JMJD1C: variants seen among roughly 807,000 people sequenced by gnomAD.
JMJD1C encodes the protein jumonji domain containing 1C.
Under a neutral mutation model 245.3 loss-of-function variants are expected in JMJD1C, and 31 were observed. The ratio of observed to expected loss-of-function variants is 0.13; its 90% CI spans 0.09 to 0.17. JMJD1C has a LOEUF of 0.17. Ranked by LOEUF, JMJD1C falls within the 10% of genes least tolerant of loss-of-function variation. The probability of loss-of-function intolerance (pLI) is 1.00; values close to 1 mark genes in which losing one functional copy is unlikely to be tolerated. For missense variants in JMJD1C, 2,691 were observed against 3,000.2 expected (o/e 0.90, Z 2.41); for synonymous variants, 1,057 against 1,017.4 (o/e 1.04, Z -0.74).
At chr10:63,328,639 T>C (rs533000381) in intron 2 of JMJD1C, among the ~76,000 whole-genome samples, 1 of 152,238 alleles carries the variant, frequency 6.6e-6, no homozygotes, top group Non-Finnish European at 1.5e-5. Flanking sequence ...AACTTTCATC[T>C]GAAACTAAAT....
At chr10:63,225,797 C>G in intron 3 of JMJD1C, among the ~76,000 whole-genome samples, 1 of 150,802 alleles carries the variant, frequency 6.6e-6, no homozygotes. Context: ...AAAAAAAAAG[C>G]TAACCTAAAG....
chr10:63,378,100 A>G (rs973823196), intron 2 of JMJD1C, among the ~76,000 whole-genome samples: 38 of 151,722 alleles, frequency 2.5e-4, no homozygotes, highest in African/African-American at 8.9e-4. Context: ...TCTTTTGTAT[A>G]TGATAAAGTT....
chr10:63,227,164 GA>G (rs1461160988), intron 3 of JMJD1C, among the ~76,000 whole-genome samples: 6 of 151,798 alleles, frequency 4.0e-5, no homozygotes, highest in African/African-American at 9.7e-5. Context: ...TAATTCGAAA[GA>G]AAAAAATAAC....
At chr10:63,393,357 G>C (rs1445912597) in intron 1 of JMJD1C, among the ~76,000 whole-genome samples, 2 of 152,164 alleles carry the variant, frequency 1.3e-5, no homozygotes, top group African/African-American at 4.8e-5. Context: ...ACTCGAGTGA[G>C]AAAGGCTACT....
chr10:63,405,720 T>A (rs1054518632), intron 1 of JMJD1C, among the ~76,000 whole-genome samples: 10 of 152,188 alleles, frequency 6.6e-5, no homozygotes, highest in African/African-American at 2.4e-4. Flanking sequence ...TCAATAATTC[T>A]AATAAGAAAA....
chr10:63,273,339 G>C (rs1225320858), intron 2 of JMJD1C, among the ~76,000 whole-genome samples: 1 of 152,152 alleles, frequency 6.6e-6, no homozygotes, highest in Non-Finnish European at 1.5e-5. Flanking sequence ...CTACAAGTAA[G>C]TGCCACCATA....
chr10:63,202,967 GTTCAGAGTA>G, intron 10 of JMJD1C: 1 of 984,200 alleles, frequency 1.0e-6, no homozygotes, highest in African/African-American at 1.7e-5. Context: ...TAATGGAACA[GTTCAGAGTA>G]TGGATCACCA....
intron 3 of JMJD1C, among the ~76,000 whole-genome samples, chr10:63,256,102 G>A (rs577072788): frequency 7.6e-4 from 116 of 152,232 alleles, no homozygotes; most frequent in Non-Finnish European, 1.3e-3. Context: ...AGATTTTTCA[G>A]CATATGATCA....
intron 2 of JMJD1C, among the ~76,000 whole-genome samples, chr10:63,303,649 C>G (rs966111768): frequency 6.6e-6 from 1 of 152,090 alleles, no homozygotes; most frequent in Non-Finnish European, 1.5e-5. Context: ...GACAACCTCA[C>G]GTATAACGTA....
chr10:63,326,701 G>A (rs1013769020), intron 2 of JMJD1C, among the ~76,000 whole-genome samples: 6 of 152,132 alleles, frequency 3.9e-5, no homozygotes, highest in Non-Finnish European at 7.4e-5. Flanking sequence ...CCAACATGGC[G>A]AAACCTGGTC....
At chr10:63,343,114 A>G (rs1333072699) in intron 2 of JMJD1C, among the ~76,000 whole-genome samples, 1 of 152,114 alleles carries the variant, frequency 6.6e-6, no homozygotes, top group Admixed American at 6.6e-5. Flanking sequence ...GCAATCCCAG[A>G]ACTTTGGGAG....
intron 2 of JMJD1C, among the ~76,000 whole-genome samples, chr10:63,328,115 A>G (rs1941737152): frequency 6.6e-6 from 1 of 152,108 alleles, no homozygotes; most frequent in Non-Finnish European, 1.5e-5. Flanking sequence ...CCTCTACTAA[A>G]AATACAAAAA....
At chr10:63,267,119 T>C (rs1177853770) in intron 2 of JMJD1C, among the ~76,000 whole-genome samples, 3 of 152,140 alleles carry the variant, frequency 2.0e-5, no homozygotes, top group Non-Finnish European at 4.4e-5. Flanking sequence ...TTATAATCAT[T>C]TACAAGTGGA....
intron 1 of JMJD1C, among the ~76,000 whole-genome samples, chr10:63,394,035 A>C (rs771696957): frequency 3.3e-5 from 5 of 152,094 alleles, no homozygotes; most frequent in African/African-American, 4.8e-5. Flanking sequence ...AATACAAAAA[A>C]TTAGCAGGGA....
At chr10:63,449,081 C>T (rs143225052) in intron 1 of JMJD1C, among the ~76,000 whole-genome samples, 2,019 of 152,098 alleles carry the variant, frequency 0.013, 31 homozygotes, top group African/African-American at 0.034. Flanking sequence ...CTCACCACTG[C>T]ACTCCAGCCT....
At chr10:63,171,231 A>G (rs992630169) in intron 24 of JMJD1C, among the ~76,000 whole-genome samples, 1 of 152,152 alleles carries the variant, frequency 6.6e-6, no homozygotes, top group Non-Finnish European at 1.5e-5. Context: ...TCTAAACCTC[A>G]GAATACTACA....
At chr10:63,257,682 A>G (rs1034672783) in intron 3 of JMJD1C, among the ~76,000 whole-genome samples, 22 of 152,230 alleles carry the variant, frequency 1.4e-4, no homozygotes, top group Admixed American at 3.9e-4. Context: ...AGTAGAGTAC[A>G]TGACTTTCCC....
chr10:63,200,356 AAAACATGG>A, intron 11 of JMJD1C, 112 bp downstream of exon 11: 1 of 719,778 alleles, frequency 1.4e-6, no homozygotes, highest in Non-Finnish European at 2.3e-6. Flanking sequence ...TAATGTTTCC[AAAACATGG>A]AGACTCAAAG....
At position 63,460,351 on chromosome 10, in the gene JMJD1C, T is replaced by C. The variant is rs1952701174; in HGVS notation, c.168+5144A>G. On this transcript the variant is annotated intron_variant, in intron 1 of 25. Coordinates refer to ENST00000399262, the MANE Select transcript of JMJD1C (RefSeq NM_032776.3). The stretch of plus-strand genomic sequence containing the variant: ...GGGCAACAAAGTGAGACCTCATCTC[T>C]ACAAAAAAAAATTTAAAAATTAGTT... Among the ~76,000 whole-genome samples the C allele has an allele frequency of 2.0e-5, 3 of 151,802 alleles. No individual in the cohort carries two copies. The South Asian group carries it at 6.2e-4, about 31-fold the overall frequency.
Sources: allele counts gnomAD v4.1 joint callset (sites outside exome capture counted in the v4.1 genomes callset), GRCh38; gene constraint gnomAD v4.1.1; transcripts MANE v1.5; gene names NCBI Gene and HGNC (gene_info 2026-07-23, HGNC 2026-07-21).